KCTD1: variants seen among roughly 807,000 people sequenced by gnomAD.
KCTD1 encodes potassium channel tetramerization domain containing 1, also known as BTB/POZ domain-containing protein KCTD1.
In KCTD1, 24 loss-of-function variants were observed where a neutral mutation model predicts 66.0. That is an observed-to-expected ratio of 0.36 (90% confidence interval 0.26 to 0.51). KCTD1 has a LOEUF of 0.51. KCTD1 is among the 20% of genes least tolerant of loss of function. The pLI is 0.95. For missense variants in KCTD1, 943 were observed against 1,205.2 expected (o/e 0.78, Z 3.22); for synonymous variants, 511 against 517.2 (o/e 0.99, Z 0.16).
intron 1 of KCTD1, among the ~76,000 whole-genome samples, chr18:26,559,224 C>A (rs1378296239): frequency 6.6e-6 from 1 of 152,120 alleles, no homozygotes; most frequent in Non-Finnish European, 1.5e-5. Context: ...AATAATTTAA[C>A]TGTATATTTT....
intron 2 of KCTD1, among the ~76,000 whole-genome samples, chr18:26,484,928 G>A (rs1052715347): frequency 3.9e-5 from 6 of 152,182 alleles, no homozygotes; most frequent in African/African-American, 7.2e-5. Context: ...GATGGGTGAC[G>A]TACAGACACA....
In KCTD1 at chr18:26,516,033, G is replaced by A. The variant is rs937582040; in HGVS notation, c.1810-14783C>T. 2.6e-5 allele frequency among the ~76,000 whole-genome samples: 4 copies of A among 152,246 alleles called. 1 individual carries two copies. The highest frequency in any genetic ancestry group is 6.8e-3 in the Middle Eastern group (2 of 294). On this transcript the variant is annotated intron_variant, in intron 1 of 4. Coordinates refer to ENST00000580059, the MANE Select transcript of KCTD1 (RefSeq NM_001142730.3). ...AATGCAATTTTGTCTGAGAAGAAAA[G>A]GGGTCAGGGTCAGGGAAGCAGGAAA...
chr18:26,555,537 T>A (rs1207938969), intron 1 of KCTD1, among the ~76,000 whole-genome samples: 1 of 152,248 alleles, frequency 6.6e-6, no homozygotes, highest in African/African-American at 2.4e-5. Flanking sequence ...ACAAATTGCT[T>A]CTAGAAGTTC....
intron 1 of KCTD1, among the ~76,000 whole-genome samples, chr18:26,579,523 G>C (rs1432509280): frequency 6.6e-6 from 1 of 152,060 alleles, no homozygotes; most frequent in Non-Finnish European, 1.5e-5. Context: ...TTTCTGTACT[G>C]TTTCCCCTAA....
intron 3 of KCTD1, among the ~76,000 whole-genome samples, chr18:26,469,185 C>G (rs1246080455): frequency 6.7e-6 from 1 of 149,144 alleles, no homozygotes; most frequent in Non-Finnish European, 1.5e-5. Context: ...TTTTTTTTTC[C>G]CTCAAGCGTG....
In KCTD1 at chr18:26,548,115, GC is replaced by G; in HGVS notation, c.421del (p.Ala141ArgfsTer28). 1 of 1,307,586 alleles carries G rather than the reference GC, an allele frequency of 7.6e-7. No homozygotes were observed. The highest frequency in any genetic ancestry group is 9.6e-7 in the Non-Finnish European group (1 of 1,037,556). 81.0% of individuals were successfully genotyped at this position (1,307,586 alleles called of 1,614,324 possible). A position where few individuals can be genotyped will look rare whatever the true frequency, so the allele number is the denominator to read the frequency against. On this transcript the variant is annotated frameshift_variant, in exon 1 of 5. Transcript: ENST00000580059. LOFTEE classifies it high-confidence loss of function. ...LEPEAPPRLLAPRARGGPPGD... is the reference protein window; with the variant it reads ...LEPEAPPRLLXPRARGGPPGD... ...GGGCGGCCCACCGCGGGCCCGGGGC[GC>G]CAGCAGTCGCGGCGGCGCCTCGGGC... is the stretch of plus-strand genomic sequence containing the variant.
intron 1 of KCTD1, among the ~76,000 whole-genome samples, chr18:26,507,330 T>A (rs1983093104): frequency 6.6e-6 from 1 of 152,186 alleles, no homozygotes; most frequent in Non-Finnish European, 1.5e-5. Context: ...ATTTCCCACT[T>A]CTGTGATGGA....
Position 26,591,999 on chromosome 18 carries a change from T to C in KCTD1, c.-16+37148A>G, listed in dbSNP as rs1007119204. 2.0e-5 allele frequency among the ~76,000 whole-genome samples: 3 copies of C among 152,324 alleles called. No homozygotes were observed. The South Asian group carries it at 6.2e-4, about 32-fold the overall frequency. ...ATTTTTAACATTAGAGCATAAATCATGCACTGTCTAGTTACTGTGTAAGTA... is the reference window on the plus strand; with the variant it reads ...ATTTTTAACATTAGAGCATAAATCACGCACTGTCTAGTTACTGTGTAAGTA... On this transcript the variant is annotated intron_variant, in intron 1 of 4. Transcript: ENST00000317932.
chr18:26,640,827 G>A (rs1390323129), upstream of KCTD1, among the ~76,000 whole-genome samples: 1 of 152,138 alleles, frequency 6.6e-6, no homozygotes, highest in African/African-American at 2.4e-5. Flanking sequence ...TAAAGTCAAG[G>A]AACATGAGGT....
chr18:26,627,841 G>A (rs1237677467), intron 1 of KCTD1, among the ~76,000 whole-genome samples: 2 of 152,178 alleles, frequency 1.3e-5, no homozygotes, highest in Admixed American at 6.5e-5. Flanking sequence ...ACTCTTAATA[G>A]AAGCCATGAC....
intron 1 of KCTD1, among the ~76,000 whole-genome samples, chr18:26,619,099 A>G (rs1987318245): frequency 6.6e-6 from 1 of 152,144 alleles, no homozygotes; most frequent in Non-Finnish European, 1.5e-5. Flanking sequence ...TGAGTACTAG[A>G]AAAAAAAGTT....
At chr18:26,535,285 T>C (rs1984645645) in intron 1 of KCTD1, among the ~76,000 whole-genome samples, 1 of 152,182 alleles carries the variant, frequency 6.6e-6, no homozygotes, top group South Asian at 2.1e-4. Context: ...AATTAAGTGC[T>C]CTGAATGAAG....
intron 2 of KCTD1, among the ~76,000 whole-genome samples, chr18:26,487,402 G>A (rs1452847026): frequency 2.0e-5 from 3 of 150,620 alleles, no homozygotes; most frequent in Non-Finnish European, 4.4e-5. Flanking sequence ...TCTATCAAAA[G>A]TCCATATTAC....
chr18:26,546,866 G>T lies in KCTD1; in HGVS notation c.1671C>A (p.Ile557=). The T allele has an allele frequency of 6.6e-7, 1 of 1,504,402 alleles. No individual in the cohort carries two copies. Among genetic ancestry groups the T allele is most frequent in the South Asian group, 1.3e-5 (1 of 74,522 alleles). The allele number at this position is 1,504,402 out of a possible 1,614,324, so 93.2% of individuals were successfully genotyped here. The part of the protein sequence containing the change: ...CGPTSPKRLC[I]RPSEPVDAVV... ...CCGCATCCACAGGCTCCGAGGGGCG[G>T]ATACAAAGTCTTTTGGGGGAAGTGG... The change falls in exon 1 of 5, where the codon ATC becomes ATA. Residue 557 remains isoleucine (I), a synonymous_variant. Transcript: ENST00000580059.
intron 3 of KCTD1, among the ~76,000 whole-genome samples, chr18:26,470,744 C>A (rs1024909854): frequency 6.6e-6 from 1 of 152,216 alleles, no homozygotes; most frequent in Non-Finnish European, 1.5e-5. Context: ...CGTGTGACCA[C>A]GGAGAGTCAG....
chr18:26,626,819 G>A (rs997404353), intron 1 of KCTD1, among the ~76,000 whole-genome samples: 25 of 152,190 alleles, frequency 1.6e-4, no homozygotes, highest in Non-Finnish European at 3.5e-4. Flanking sequence ...ATGGGCAGAT[G>A]AGGGGGAAGA....
At chr18:26,498,557 T>A (rs1393621892) in intron 2 of KCTD1, among the ~76,000 whole-genome samples, 1 of 151,730 alleles carries the variant, frequency 6.6e-6, no homozygotes, top group East Asian at 1.9e-4. Context: ...CATTCCAACA[T>A]GAAATCAATT....
rs74721499 is a variant in KCTD1, at chr18:26,557,243, T to G, written c.-15-55993A>C. Among the ~76,000 whole-genome samples the G allele has an allele frequency of 5.5e-3, 832 of 152,302 alleles. 9 individuals carry two copies. The highest frequency in any genetic ancestry group is 0.019 in the African/African-American group (798 of 41,556). On this transcript the variant is annotated intron_variant, in intron 1 of 4. Coordinates refer to the KCTD1 transcript ENST00000317932. ...TTGAGGATGAATTCCTCAAGCTTTT[T>G]TTGCTATTCATATGGTATTACATAC...
chr18:26,536,539 CT>C (rs747291042), intron 1 of KCTD1, among the ~76,000 whole-genome samples: 7 of 152,126 alleles, frequency 4.6e-5, no homozygotes, highest in Non-Finnish European at 8.8e-5. Context: ...TGTTAGGCCA[CT>C]TTTGGTCCCA....
Sources: gnomAD v4.1 joint callset for allele counts (sites outside exome capture counted in the v4.1 genomes callset) on GRCh38, gnomAD v4.1.1 for gene constraint, MANE v1.5 for transcripts, NCBI Gene and HGNC (gene_info 2026-07-23, HGNC 2026-07-21) for gene names.